The following VWA8 variants were observed in gnomAD, a reference collection of about 807,000 sequenced individuals.
VWA8 encodes the protein von Willebrand factor A domain-containing protein 8.
In VWA8, 221 loss-of-function variants were observed where a neutral mutation model predicts 241.5. That is an observed-to-expected ratio of 0.91 (90% confidence interval 0.82 to 1.02). The LOEUF (loss-of-function observed/expected upper bound fraction) is 1.02. Ranked by LOEUF, VWA8 falls within the 50% of genes least tolerant of loss-of-function variation. The pLI is 0.00. For missense variants in VWA8, 2,322 were observed against 2,328.7 expected (o/e 1.00, Z 0.06); for synonymous variants, 852 against 827.1 (o/e 1.03, Z -0.52).
chr13:41,614,907 G>A (rs576896187), intron 38 of VWA8, 69 bp downstream of exon 38: 16 of 1,466,764 alleles, frequency 1.1e-5, no homozygotes, highest in Admixed American at 8.4e-5. Context: ...TCTCAGGGGC[G>A]ATGTGCTGGC....
At chr13:41,776,475 T>A (rs1868599851) in intron 20 of VWA8, among the ~76,000 whole-genome samples, 1 of 152,216 alleles carries the variant, frequency 6.6e-6, no homozygotes, top group Non-Finnish European at 1.5e-5. Context: ...CATCTTTTAC[T>A]GTTCAGTGAA....
chr13:41,734,516 G>A (rs1351965723), intron 21 of VWA8, among the ~76,000 whole-genome samples: 2 of 152,172 alleles, frequency 1.3e-5, no homozygotes, highest in African/African-American at 4.8e-5. Context: ...CCCCATCAGA[G>A]TCCTCATTTA....
rs1400448572 is a variant in VWA8 at position 41,727,197 on chromosome 13, A to C, written c.2755T>G (p.Leu919Val). The change falls in exon 24 of 45, where the codon TTA (leucine) becomes GTA (valine). Residue 919 changes from leucine to valine, a missense_variant. By Grantham distance (32) the Leu-to-Val change is conservative. Coordinates refer to ENST00000379310, the MANE Select transcript of VWA8 (RefSeq NM_015058.2). ...PFLGNDFFGT[L>V]GDIFSCHAVD... is the part of the protein sequence containing the mutation. The stretch of plus-strand genomic sequence containing the variant: ...TTATTATCATTACTGTTTTTACCTA[A>C]GGTACCGAAGAAATCATTGCCTAGG... The C allele has an allele frequency of 1.9e-6, 3 of 1,542,488 alleles. No individual in the cohort carries two copies. The highest frequency in any genetic ancestry group is 2.5e-5 in the East Asian group (1 of 40,600).
At chr13:41,945,542 C>T (rs1566047992) in intron 2 of VWA8, among the ~76,000 whole-genome samples, 1 of 152,062 alleles carries the variant, frequency 6.6e-6, no homozygotes, top group African/African-American at 2.4e-5. Context: ...AGAAGTATGA[C>T]AACAACGTCT....
At chr13:41,860,908 T>C (rs1010816517) in intron 12 of VWA8, among the ~76,000 whole-genome samples, 41 of 151,992 alleles carry the variant, frequency 2.7e-4, no homozygotes, top group Non-Finnish European at 4.7e-4. Flanking sequence ...TTTGGAAAAA[T>C]TGATGACAAA....
At chr13:41,739,828 T>C (rs541525062) in intron 21 of VWA8, among the ~76,000 whole-genome samples, 1 of 73,212 alleles carries the variant, frequency 1.4e-5, no homozygotes. Flanking sequence ...TGTTTTTTTG[T>C]TTTTTTTTTT....
intron 2 of VWA8, among the ~76,000 whole-genome samples, chr13:41,937,089 T>C (rs1877385299): frequency 6.6e-6 from 1 of 152,188 alleles, no homozygotes; most frequent in Admixed American, 6.5e-5. Context: ...AGTAACATGC[T>C]GTATAGGTTT....
intron 39 of VWA8, among the ~76,000 whole-genome samples, chr13:41,609,530 G>A (rs12431090): frequency 0.12 from 17,833 of 152,070 alleles, 1,393 homozygotes; most frequent in South Asian, 0.24. Context: ...GGGGGGTCGG[G>A]TCCATCGCAT....
intron 2 of VWA8, among the ~76,000 whole-genome samples, chr13:41,928,229 A>T (rs767576980): frequency 8.5e-5 from 13 of 152,190 alleles, no homozygotes; most frequent in Non-Finnish European, 1.9e-4. Flanking sequence ...ACTGAGTTTG[A>T]ATTGCACCTT....
chr13:41,784,713 T>C (rs1404381071), intron 18 of VWA8, among the ~76,000 whole-genome samples: 46 of 70,720 alleles, frequency 6.5e-4, no homozygotes, highest in South Asian at 1.1e-3. Flanking sequence ...TATATATATA[T>C]ATATATATAT....
intron 17 of VWA8, among the ~76,000 whole-genome samples, chr13:41,789,137 T>C (rs1869337894): frequency 6.6e-6 from 1 of 152,194 alleles, no homozygotes; most frequent in Non-Finnish European, 1.5e-5. Flanking sequence ...TCTAAGATAC[T>C]GGCCCATCCA....
chr13:41,947,538 GT>G (rs1342256812), intron 2 of VWA8, among the ~76,000 whole-genome samples: 1 of 152,212 alleles, frequency 6.6e-6, no homozygotes, highest in African/African-American at 2.4e-5. Context: ...GACTATGGCT[GT>G]AATAAAAAAG....
rs370551210 is a variant in VWA8 at position 41,858,585 on chromosome 13, AAC to A, written c.1425+7149_1425+7150del. ...CATGCCACTGCACTTCAGCCTGGGC[AAC>A]AGAGTGAGAGTGAGACTTCATCTCA... On this transcript the variant is annotated intron_variant, in intron 12 of 44. Transcript: ENST00000379310. Among the ~76,000 whole-genome samples, 695 of 152,106 alleles carry A rather than the reference AAC, an allele frequency of 4.6e-3. 3 individuals carry two copies. Among genetic ancestry groups the A allele is most frequent in the Middle Eastern group, 0.024 (7 of 294 alleles).
intron 21 of VWA8, among the ~76,000 whole-genome samples, chr13:41,743,172 G>A (rs137857073): frequency 1.2e-4 from 19 of 152,270 alleles, no homozygotes; most frequent in African/African-American, 2.9e-4. Context: ...TAGTGGCAAC[G>A]GGAGTCATTG....
chr13:41,610,299 T>C (rs1031318073), intron 39 of VWA8, among the ~76,000 whole-genome samples: 1 of 152,168 alleles, frequency 6.6e-6, no homozygotes, highest in Non-Finnish European at 1.5e-5. Flanking sequence ...TTGAGAGGCA[T>C]AAACACTTTC....
chr13:41,587,194 G>A (rs1206435823), intron 42 of VWA8, among the ~76,000 whole-genome samples: 1 of 152,162 alleles, frequency 6.6e-6, no homozygotes, highest in Admixed American at 6.5e-5. Context: ...TAGTGATGGG[G>A]CAAGAGTGGG....
At chr13:41,655,280 G>A (rs567295202) in intron 37 of VWA8, among the ~76,000 whole-genome samples, 21 of 152,022 alleles carry the variant, frequency 1.4e-4, no homozygotes, top group African/African-American at 4.8e-4. Context: ...GGAGAGATGG[G>A]GTTTCGCCAT....
At chr13:41,605,143 T>C (rs1354971745) in intron 40 of VWA8, 25 bp downstream of exon 40, 4 of 1,608,512 alleles carry the variant, frequency 2.5e-6, no homozygotes, top group Non-Finnish European at 3.4e-6. Flanking sequence ...CAGGTTATTT[T>C]CTTGGTCCAT....
intron 1 of VWA8, among the ~76,000 whole-genome samples, chr13:41,951,609 A>G (rs1878143227): frequency 6.6e-6 from 1 of 152,218 alleles, no homozygotes; most frequent in Non-Finnish European, 1.5e-5. Flanking sequence ...GCATGGTGAT[A>G]CCATTTGCAT....
Sources: allele counts gnomAD v4.1 joint callset (sites outside exome capture counted in the v4.1 genomes callset), GRCh38; gene constraint gnomAD v4.1.1; transcripts MANE v1.5; gene names NCBI Gene and HGNC (gene_info 2026-07-23, HGNC 2026-07-21).